Variants in DPH7 observed in about 807,000 individuals in gnomAD.
DPH7 encodes diphthamide biosynthesis 7.
DPH7 carries 44 observed loss-of-function variants against 41.7 expected under a neutral mutation model. The ratio of observed to expected loss-of-function variants is 1.05; its 90% CI spans 0.83 to 1.36. DPH7 has a LOEUF of 1.36. Ranked by LOEUF, DPH7 falls within the 40% of genes most tolerant of loss-of-function variation. The pLI is 0.00. For synonymous variants in DPH7, 275 were observed against 238.0 expected (o/e 1.16, Z -1.43); for missense variants, 629 against 577.5 (o/e 1.09, Z -0.91).
At chr9:137,578,065 G>T in intron 1 of DPH7, 1 of 890,372 alleles carries the variant, frequency 1.1e-6, no homozygotes, top group Non-Finnish European at 1.3e-6. Flanking sequence ...TGCCTGTGGT[G>T]CCAGCTACTC....
At chr9:137,574,525 ACTG>A in intron 4 of DPH7, 145 bp from the exon 5 acceptor site, 1 of 910,732 alleles carries the variant, frequency 1.1e-6, no homozygotes, top group East Asian at 2.6e-5. Context: ...GATCACAACC[ACTG>A]CTAAGCTTGT....
intron 3 of DPH7, 75 bp from the exon 4 acceptor site, chr9:137,574,918 A>C: frequency 6.3e-7 from 1 of 1,594,780 alleles, no homozygotes; most frequent in Non-Finnish European, 8.5e-7. Context: ...CCTCTCCTGC[A>C]GGGAAGTCAT....
chr9:137,574,949 A>G (rs2133192177), intron 3 of DPH7, 106 bp from the exon 4 acceptor site: 3 of 1,544,498 alleles, frequency 1.9e-6, no homozygotes, highest in Non-Finnish European at 2.6e-6. Context: ...TTTACAACCT[A>G]TGCGAATGAA....
chr9:137,572,436 T>C (rs1840601813), intron 5 of DPH7, among the ~76,000 whole-genome samples: 1 of 152,164 alleles, frequency 6.6e-6, no homozygotes, highest in South Asian at 2.1e-4. Flanking sequence ...TGAGATGCGA[T>C]AAAGTGTGTG....
chr9:137,558,726 G>A (rs1486386199), intron 8 of DPH7, among the ~76,000 whole-genome samples: 1 of 152,134 alleles, frequency 6.6e-6, no homozygotes, highest in East Asian at 1.9e-4. Context: ...ACAGTATTTT[G>A]AATGTCTTCT....
At chr9:137,564,678 G>A (rs1368092654) in intron 7 of DPH7, 72 bp from the exon 8 acceptor site, 4 of 1,557,388 alleles carry the variant, frequency 2.6e-6, no homozygotes, top group South Asian at 1.2e-5. Context: ...CCCCTGGGGG[G>A]CACAGAACGT....
chr9:137,561,177 C>T (rs963763034), intron 8 of DPH7, among the ~76,000 whole-genome samples: 1 of 152,060 alleles, frequency 6.6e-6, no homozygotes, highest in Admixed American at 6.6e-5. Context: ...TGATTAATCC[C>T]AAAGAGGAAA....
At chr9:137,575,533 C>T in intron 3 of DPH7, 1 of 992,482 alleles carries the variant, frequency 1.0e-6, no homozygotes, top group Non-Finnish European at 1.2e-6. Context: ...CCTCGGTTGG[C>T]CCAGCCCCGC....
At chr9:137,569,594 TCAA>T (rs1840040744) in intron 5 of DPH7, among the ~76,000 whole-genome samples, 1 of 102,118 alleles carries the variant, frequency 9.8e-6, no homozygotes, top group African/African-American at 3.9e-5. Flanking sequence ...CCCCCGTCTA[TCAA>T]GCCAGCCAGC....
In DPH7 at chr9:137,556,002, G is replaced by T. The variant is rs1450745136; in HGVS notation, c.950-354C>A. On this transcript the variant is annotated intron_variant, in intron 8 of 8. Transcript: ENST00000277540. The surrounding 1 kb of genome is among the most constrained non-coding windows in gnomAD (Gnocchi z 5.2). ...GTTTTAGCCAGCTGGGAAGGAAGGG[G>T]ATGTCTGAGGAACAGGCAGCATGTG... 4.6e-5 allele frequency among the ~76,000 whole-genome samples: 7 copies of T among 152,126 alleles called. No individual in the cohort carries two copies. The highest frequency in any genetic ancestry group is 7.3e-5 in the Non-Finnish European group (5 of 68,028).
rs1457629975 is a variant in DPH7, at chr9:137,556,008, T to A, written c.950-360A>T. Among the ~76,000 whole-genome samples the A allele has an allele frequency of 6.6e-6, 1 of 152,072 alleles. No individual in the cohort carries two copies. The highest frequency in any genetic ancestry group is 1.9e-4 in the East Asian group (1 of 5,186). ...GCCAGCTGGGAAGGAAGGGGATGTC[T>A]GAGGAACAGGCAGCATGTGTACAGC... On this transcript the variant is annotated intron_variant, in intron 8 of 8. Transcript: ENST00000277540. This position sits in a 1 kb window ranked among gnomAD's most constrained non-coding sequence, Gnocchi z 5.2.
chr9:137,564,807 G>T (rs897741675), intron 7 of DPH7, 86 bp downstream of exon 7: 2 of 1,483,998 alleles, frequency 1.3e-6, no homozygotes, highest in Non-Finnish European at 1.8e-6. Flanking sequence ...AGGAGGAAAG[G>T]CAGCGAAAGA....
At chr9:137,561,124 G>A (rs1838502558) in intron 8 of DPH7, among the ~76,000 whole-genome samples, 1 of 151,826 alleles carries the variant, frequency 6.6e-6, no homozygotes, top group Admixed American at 6.6e-5. Context: ...AGTCTGAAAA[G>A]GGAGTTATTG....
chr9:137,562,760 A>G (rs1282394708), intron 8 of DPH7, among the ~76,000 whole-genome samples: 2 of 151,882 alleles, frequency 1.3e-5, no homozygotes, highest in Non-Finnish European at 2.9e-5. Context: ...TGAGGTCAGG[A>G]GTTCAAGACC....
At chr9:137,575,954 C>T (rs558104364) in intron 3 of DPH7, 126 bp downstream of exon 3, 18 of 1,511,114 alleles carry the variant, frequency 1.2e-5, no homozygotes, top group East Asian at 1.2e-4. Context: ...TATCTTAGAA[C>T]GTTTATATAT....
chr9:137,574,612 A>G, intron 4 of DPH7, 140 bp downstream of exon 4: 1 of 921,784 alleles, frequency 1.1e-6, no homozygotes, highest in Non-Finnish European at 1.7e-6. Context: ...CCTTTTTTTC[A>G]TAATAGGACT....
chr9:137,555,139 T>C lies in DPH7; in HGVS notation c.*100A>G. On this transcript the variant is annotated 3_prime_UTR_variant, in exon 9 of 9. Transcript: ENST00000277540. The stretch of plus-strand genomic sequence containing the variant: ...TGGATTCCATCAGTGCACAGGCACC[T>C]GCAGGGCTGCAGTAAGCATCTCTGA... The C allele has an allele frequency of 1.4e-6, 2 of 1,416,568 alleles. No individual in the cohort carries two copies. Among genetic ancestry groups the C allele is most frequent in the Admixed American group, 2.7e-5 (1 of 37,374 alleles). 87.7% of individuals were successfully genotyped at this position (1,416,568 alleles called of 1,614,324 possible). A position where few individuals can be genotyped will look rare whatever the true frequency, so the allele number is the denominator to read the frequency against.
intron 2 of DPH7, among the ~76,000 whole-genome samples, chr9:137,576,889 C>CAAAA (rs34721314): frequency 8.5e-6 from 1 of 117,772 alleles, no homozygotes; most frequent in Non-Finnish European, 1.8e-5. Context: ...GACTCCGTCT[C>CAAAA]AAAAAAAAAA....
intron 8 of DPH7, 41 bp from the exon 9 acceptor site, chr9:137,555,689 C>T (rs1837387222): frequency 6.5e-7 from 1 of 1,537,818 alleles, no homozygotes; most frequent in Non-Finnish European, 8.8e-7. Context: ...CACAACATCA[C>T]CCAGAGCCTC....
Sources: gnomAD v4.1 joint callset for allele counts (sites outside exome capture counted in the v4.1 genomes callset) on GRCh38, gnomAD v4.1.1 for gene constraint, Gnocchi (gnomAD v3.1) non-coding constraint, MANE v1.5 for transcripts, NCBI Gene and HGNC (gene_info 2026-07-23, HGNC 2026-07-21) for gene names.